PTPRD: variants seen among roughly 807,000 people sequenced by gnomAD.
PTPRD encodes protein tyrosine phosphatase receptor type D.
In PTPRD, 34 loss-of-function variants were observed where a neutral mutation model predicts 214.5. The ratio of observed to expected loss-of-function variants is 0.16; its 90% CI spans 0.12 to 0.21. The LOEUF (loss-of-function observed/expected upper bound fraction) is 0.21. Among genes scored for constraint, PTPRD ranks in the 10% least tolerant of loss-of-function variants. The probability of loss-of-function intolerance (pLI) is 1.00; values close to 1 mark genes in which losing one functional copy is unlikely to be tolerated. For synonymous variants in PTPRD, 1,128 were observed against 845.7 expected (o/e 1.33, Z -5.79); for missense variants, 2,545 against 2,398.7 (o/e 1.06, Z -1.27).
intron 33 of PTPRD, among the ~76,000 whole-genome samples, chr9:8,453,353 A>T (rs1257633987): frequency 3.3e-5 from 5 of 151,060 alleles, no homozygotes; most frequent in Admixed American, 3.3e-4. Context: ...TTTAGTAGAG[A>T]TGTGGTTTCG....
chr9:9,368,345 G>T (rs899233520), intron 9 of PTPRD, among the ~76,000 whole-genome samples: 29 of 151,668 alleles, frequency 1.9e-4, no homozygotes, highest in Non-Finnish European at 4.1e-4. Context: ...AGCATAAATC[G>T]GGCATAGGAA....
intron 4 of PTPRD, among the ~76,000 whole-genome samples, chr9:10,008,265 A>C (rs1204041189): frequency 1.3e-5 from 2 of 151,806 alleles, no homozygotes; most frequent in African/African-American, 4.8e-5. Flanking sequence ...TTCATTCCTA[A>C]AAGTTGAACC....
At chr9:8,834,060 T>C (rs2097359482) in intron 11 of PTPRD, among the ~76,000 whole-genome samples, 1 of 152,024 alleles carries the variant, frequency 6.6e-6, no homozygotes, top group Non-Finnish European at 1.5e-5. Flanking sequence ...GCCTAGTCTT[T>C]TTCACTCTCA....
chr9:10,535,692 T>A (rs1435266499), intron 2 of PTPRD, among the ~76,000 whole-genome samples: 3 of 152,134 alleles, frequency 2.0e-5, no homozygotes, highest in Non-Finnish European at 4.4e-5. Flanking sequence ...TATATTTGAC[T>A]TTACTCATTA....
At chr9:8,998,580 A>C (rs2099405951) in intron 11 of PTPRD, among the ~76,000 whole-genome samples, 1 of 152,040 alleles carries the variant, frequency 6.6e-6, no homozygotes, top group Non-Finnish European at 1.5e-5. Context: ...AAGGAGATTA[A>C]CACTGTTTTC....
intron 12 of PTPRD, among the ~76,000 whole-genome samples, chr9:8,650,252 G>A (rs142983866): frequency 2.6e-5 from 4 of 152,032 alleles, no homozygotes; most frequent in East Asian, 2.0e-4. Context: ...ATATGTGGAC[G>A]GGCACGGTGG....
At chr9:9,097,037 T>G (rs1257070346) in intron 10 of PTPRD, among the ~76,000 whole-genome samples, 1 of 152,178 alleles carries the variant, frequency 6.6e-6, no homozygotes, top group Non-Finnish European at 1.5e-5. Context: ...ATTCAGGTGT[T>G]TTATCATCAA....
chr9:10,476,296 C>T (rs1311140540), intron 2 of PTPRD, among the ~76,000 whole-genome samples: 1 of 152,128 alleles, frequency 6.6e-6, no homozygotes, highest in Non-Finnish European at 1.5e-5. Flanking sequence ...TCTCAGGACA[C>T]AAAATCAATT....
chr9:10,364,723 G>A (rs533909273), intron 2 of PTPRD, among the ~76,000 whole-genome samples: 16 of 152,174 alleles, frequency 1.1e-4, no homozygotes, highest in African/African-American at 3.6e-4. Flanking sequence ...AGTGGGGCAT[G>A]GTCTTTCTTC....
chr9:9,158,299 G>T (rs543057622), intron 10 of PTPRD, among the ~76,000 whole-genome samples: 1 of 151,978 alleles, frequency 6.6e-6, no homozygotes, highest in South Asian at 2.1e-4. Flanking sequence ...CCACACTGTC[G>T]TCAACAATCT....
At chr9:10,386,895 C>G (rs902678735) in intron 2 of PTPRD, among the ~76,000 whole-genome samples, 1 of 151,638 alleles carries the variant, frequency 6.6e-6, no homozygotes, top group Non-Finnish European at 1.5e-5. Flanking sequence ...AGATTATCCT[C>G]TCAGGTCCAA....
At chr9:9,280,141 T>G (rs1483763424) in intron 9 of PTPRD, among the ~76,000 whole-genome samples, 1 of 151,274 alleles carries the variant, frequency 6.6e-6, no homozygotes, top group Non-Finnish European at 1.5e-5. Context: ...AATCTGCACA[T>G]GACAAATACT....
At chr9:8,823,235 C>T (rs1406674591) in intron 11 of PTPRD, among the ~76,000 whole-genome samples, 1 of 152,098 alleles carries the variant, frequency 6.6e-6, no homozygotes, top group Non-Finnish European at 1.5e-5. Flanking sequence ...TCTAAATGTT[C>T]AGTGTTCCAC....
intron 8 of PTPRD, among the ~76,000 whole-genome samples, chr9:9,501,605 T>A (rs148289183): frequency 6.6e-6 from 1 of 151,878 alleles, no homozygotes; most frequent in African/African-American, 2.4e-5. Flanking sequence ...GACTGGAGAA[T>A]AGATTTTCTT....
At chr9:9,528,421 A>T (rs572410079) in intron 8 of PTPRD, among the ~76,000 whole-genome samples, 36 of 152,308 alleles carry the variant, frequency 2.4e-4, no homozygotes, top group Non-Finnish European at 4.0e-4. Context: ...AAGCTAAATT[A>T]GCTTGGTCTA....
In PTPRD at chr9:9,025,892, A is replaced by G. The variant is rs114721652; in HGVS notation, c.-142-7157T>C. On this transcript the variant is annotated intron_variant, in intron 10 of 45. Transcript: ENST00000381196. ...CTCATCATTTATTTATTCAACACAC[A>G]TATTTGAACATCTACCATGTGTTCT... is the stretch of plus-strand genomic sequence containing the variant. 3.9e-3 allele frequency among the ~76,000 whole-genome samples: 588 copies of G among 152,174 alleles called. 1 individual carries two copies. Among genetic ancestry groups the G allele is most frequent in the African/African-American group, 0.013 (540 of 41,552 alleles).
intron 8 of PTPRD, among the ~76,000 whole-genome samples, chr9:9,437,595 T>C (rs1569568322): frequency 6.6e-6 from 1 of 152,202 alleles, no homozygotes; most frequent in African/African-American, 2.4e-5. Context: ...GGAATTAGAC[T>C]ATCACACTTC....
In PTPRD at chr9:10,496,332, C is replaced by T. The variant is rs370010344; in HGVS notation, c.-600+116066G>A. ...TCACTACTAACACTCTGGCATTTTTCGAACATCAGGCAAAGATATATAAGC... is the reference window on the plus strand; with the variant it reads ...TCACTACTAACACTCTGGCATTTTTTGAACATCAGGCAAAGATATATAAGC... On this transcript the variant is annotated intron_variant, in intron 2 of 45. Coordinates refer to ENST00000381196, the MANE Select transcript of PTPRD (RefSeq NM_002839.4). Among the ~76,000 whole-genome samples the T allele has an allele frequency of 9.2e-5, 14 of 151,828 alleles. 1 individual carries two copies. The highest frequency in any genetic ancestry group is 4.1e-4 in the South Asian group (2 of 4,824).
Position 8,528,705 on chromosome 9 carries a change from C to T in PTPRD, c.427G>A (p.Ala143Thr), listed in dbSNP as rs1370111525. The T allele has an allele frequency of 5.6e-6, 9 of 1,613,492 alleles. No homozygotes were observed. Among genetic ancestry groups the T allele is most frequent in the Non-Finnish European group, 7.6e-6 (9 of 1,179,710 alleles). The change falls in exon 15 of 46, where the codon GCC becomes ACC. Residue 143 changes from alanine to threonine, a missense_variant. Physicochemically the swap from Ala to Thr is moderately conservative, Grantham distance 58. Transcript: ENST00000381196. Reference sequence around the variant, plus strand: ...CCACTGGCTGCACAAAGCATGGTGGCCGTGCGAGTACGCTCAACCACCTTC... The same window carrying T: ...CCACTGGCTGCACAAAGCATGGTGGTCGTGCGAGTACGCTCAACCACCTTC... The part of the protein sequence containing the change: ...QLKVVERTRT[A>T]TMLCAASGNP...
Sources: gnomAD v4.1 joint callset for allele counts (sites outside exome capture counted in the v4.1 genomes callset) on GRCh38, gnomAD v4.1.1 for gene constraint, MANE v1.5 for transcripts, NCBI Gene and HGNC (gene_info 2026-07-23, HGNC 2026-07-21) for gene names.